Variants in CCSER1 observed in about 807,000 individuals in gnomAD.
CCSER1 encodes coiled-coil serine rich protein 1.
In CCSER1, 41 loss-of-function variants were observed where a neutral mutation model predicts 82.0. The ratio of observed to expected loss-of-function variants is 0.50; its 90% confidence interval spans 0.39 to 0.65. CCSER1 has a LOEUF of 0.65. CCSER1 is among the 30% of genes least tolerant of loss of function. The pLI, the probability that CCSER1 is intolerant of heterozygous loss-of-function variation, is 0.00. For synonymous variants in CCSER1, 414 were observed against 383.9 expected, an observed-to-expected ratio of 1.08 and a Z score of -0.92; for missense variants, 1,119 against 1,064.2, an observed-to-expected ratio of 1.05 and a Z score of -0.72.
chr4:90,294,234 G>A (rs1430726481), intron 1 of CCSER1, among the ~76,000 whole-genome samples: 7 of 151,968 alleles, frequency 4.6e-5, no homozygotes, highest in South Asian at 2.1e-4. Context: ...TAGTCTTGCC[G>A]GGCGCAGTGG....
intron 9 of CCSER1, among the ~76,000 whole-genome samples, chr4:90,965,764 G>A (rs1365832030): frequency 6.6e-6 from 1 of 151,976 alleles, no homozygotes; most frequent in African/African-American, 2.4e-5. Context: ...TGTAAAAGAC[G>A]TGAGAAGACA....
At chr4:90,626,510 G>A (rs541169961) in intron 5 of CCSER1, among the ~76,000 whole-genome samples, 11 of 152,218 alleles carry the variant, frequency 7.2e-5, no homozygotes, top group East Asian at 3.9e-4. Context: ...TGAATCAATC[G>A]TATCAGATAA....
At chr4:90,781,390 GC>G (rs547498187) in intron 7 of CCSER1, 2 of 985,384 alleles carry the variant, frequency 2.0e-6, no homozygotes, top group Admixed American at 1.2e-4. Context: ...GGGGCTTTGA[GC>G]CCCTGTCCCA....
chr4:90,971,253 C>T (rs995125338), intron 9 of CCSER1, among the ~76,000 whole-genome samples: 3 of 151,860 alleles, frequency 2.0e-5, no homozygotes, highest in African/African-American at 7.3e-5. Context: ...AACTTAGAAT[C>T]ATGGTGGAAG....
chr4:91,103,054 G>A (rs1038650260), intron 10 of CCSER1, among the ~76,000 whole-genome samples: 1 of 152,086 alleles, frequency 6.6e-6, no homozygotes, highest in Non-Finnish European at 1.5e-5. Context: ...TGGCATTGCT[G>A]TGTAACGTAT....
intron 10 of CCSER1, among the ~76,000 whole-genome samples, chr4:91,231,465 G>A (rs1482393464): frequency 6.6e-6 from 1 of 151,654 alleles, no homozygotes; most frequent in Non-Finnish European, 1.5e-5. Flanking sequence ...GTGTGGTGGG[G>A]GAATTAACAT....
At chr4:91,003,274 G>A (rs1005003676) in intron 9 of CCSER1, among the ~76,000 whole-genome samples, 1 of 152,126 alleles carries the variant, frequency 6.6e-6, no homozygotes, top group African/African-American at 2.4e-5. Flanking sequence ...GGTGGGCAAG[G>A]CCCTAGAACT....
intron 1 of CCSER1, among the ~76,000 whole-genome samples, chr4:90,206,175 GT>G (rs1053891854): frequency 5.3e-5 from 8 of 151,880 alleles, no homozygotes; most frequent in Admixed American, 5.3e-4. Flanking sequence ...TTTTTGAAGG[GT>G]TTTTTTGTGT....
intron 5 of CCSER1, among the ~76,000 whole-genome samples, chr4:90,594,261 T>A (rs1334604381): frequency 6.6e-6 from 1 of 152,100 alleles, no homozygotes; most frequent in Non-Finnish European, 1.5e-5. Context: ...CAGACTCCCA[T>A]CTCCCCACGT....
intron 1 of CCSER1, among the ~76,000 whole-genome samples, chr4:90,289,044 C>T (rs867657526): frequency 1.3e-5 from 2 of 152,052 alleles, no homozygotes; most frequent in Non-Finnish European, 2.9e-5. Context: ...CCTCCTCTCT[C>T]CCTTTGGATT....
At chr4:90,415,311 G>A (rs1332863288) in intron 4 of CCSER1, among the ~76,000 whole-genome samples, 12 of 152,208 alleles carry the variant, frequency 7.9e-5, no homozygotes, top group African/African-American at 2.9e-4. Flanking sequence ...TGCCAGTTCA[G>A]TATTAACAGT....
chr4:91,529,413 A>G (rs767377622), intron 10 of CCSER1, among the ~76,000 whole-genome samples: 5 of 152,054 alleles, frequency 3.3e-5, no homozygotes, highest in Admixed American at 1.3e-4. Context: ...TTGTTTTTCA[A>G]TCATATTTTG....
intron 10 of CCSER1, among the ~76,000 whole-genome samples, chr4:91,590,490 G>A (rs531854923): frequency 7.2e-5 from 11 of 152,118 alleles, no homozygotes; most frequent in Non-Finnish European, 1.6e-4. Context: ...GCTACAAACA[G>A]ACACAGCAAT....
intron 4 of CCSER1, among the ~76,000 whole-genome samples, chr4:90,409,503 AC>A (rs989660396): frequency 3.3e-5 from 5 of 152,222 alleles, no homozygotes; most frequent in Non-Finnish European, 7.3e-5. Flanking sequence ...AGAATTTTCA[AC>A]CCAGAATTTA....
intron 10 of CCSER1, among the ~76,000 whole-genome samples, chr4:91,261,921 A>C (rs554414115): frequency 2.6e-5 from 4 of 152,334 alleles, no homozygotes; most frequent in Admixed American, 6.5e-5. Context: ...GTAATCTAGT[A>C]GTAAACAGCC....
At chr4:91,090,582 G>A (rs1034706275) in intron 10 of CCSER1, among the ~76,000 whole-genome samples, 6 of 152,048 alleles carry the variant, frequency 3.9e-5, no homozygotes, top group Admixed American at 2.6e-4. Context: ...AAATTGTCAG[G>A]GTGGTTCTTT....
chr4:90,148,082 T>C (rs1445025782), intron 1 of CCSER1, among the ~76,000 whole-genome samples: 1 of 152,194 alleles, frequency 6.6e-6, no homozygotes, highest in African/African-American at 2.4e-5. Flanking sequence ...TAAGAATTGC[T>C]TGATCCTGGG....
At chr4:91,075,625 G>C (rs1387533789) in intron 9 of CCSER1, among the ~76,000 whole-genome samples, 1 of 151,998 alleles carries the variant, frequency 6.6e-6, no homozygotes, top group African/African-American at 2.4e-5. Flanking sequence ...TCAGTGAATA[G>C]AACTAAAACA....
intron 8 of CCSER1, among the ~76,000 whole-genome samples, chr4:90,900,280 A>T (rs1724440357): frequency 6.6e-6 from 1 of 151,546 alleles, no homozygotes; most frequent in South Asian, 2.1e-4. Context: ...GTCTCTGAGA[A>T]CGTATTGTAT....
Sources: gnomAD v4.1 joint callset for allele counts (sites outside exome capture counted in the v4.1 genomes callset) on GRCh38, gnomAD v4.1.1 for gene constraint, MANE v1.5 for transcripts, NCBI Gene and HGNC (gene_info 2026-07-23, HGNC 2026-07-21) for gene names.